IFT74: variants seen among roughly 807,000 people sequenced by gnomAD.
The protein encoded by IFT74 is intraflagellar transport protein 74 homolog.
IFT74 carries 92 observed loss-of-function variants against 96.7 expected under a neutral mutation model. The ratio of observed to expected loss-of-function variants is 0.95; its 90% CI spans 0.80 to 1.13. The LOEUF is 1.13. IFT74 is among the 50% of genes most tolerant of loss of function. The pLI, the probability that IFT74 is intolerant of heterozygous loss-of-function variation, is 0.00. For missense variants in IFT74, 811 were observed against 698.2 expected, an observed-to-expected ratio of 1.16 and a Z score of -1.82; for synonymous variants, 223 against 213.2, an observed-to-expected ratio of 1.05 and a Z score of -0.40.
chr9:26,965,570 T>C (rs1262203171), intron 2 of IFT74, among the ~76,000 whole-genome samples: 2 of 152,152 alleles, frequency 1.3e-5, no homozygotes, highest in Admixed American at 1.3e-4. Flanking sequence ...ATTAAATATT[T>C]ATAAAAAGAA....
chr9:26,964,139 T>C, intron 2 of IFT74, among the ~76,000 whole-genome samples: 1 of 130,596 alleles, frequency 7.7e-6, no homozygotes, highest in African/African-American at 3.0e-5. Flanking sequence ...TTGATTTTTG[T>C]ATAAGGTGTA....
At chr9:27,002,185 G>A (rs1174821374) in intron 8 of IFT74, among the ~76,000 whole-genome samples, 1 of 152,142 alleles carries the variant, frequency 6.6e-6, no homozygotes, top group East Asian at 1.9e-4. Flanking sequence ...AGGCTGGAGT[G>A]CAGTGATGCC....
intron 18 of IFT74, among the ~76,000 whole-genome samples, chr9:27,058,777 T>A (rs530201714): frequency 2.6e-5 from 4 of 152,340 alleles, no homozygotes; most frequent in East Asian, 3.9e-4. Context: ...TTGAAAAGGG[T>A]AGAATCTCAT....
intron 13 of IFT74, among the ~76,000 whole-genome samples, chr9:27,038,630 A>G (rs1819319796): frequency 6.6e-6 from 1 of 152,198 alleles, no homozygotes; most frequent in Non-Finnish European, 1.5e-5. Flanking sequence ...CTTCTCTGAC[A>G]TGATCAAGGG....
At chr9:27,035,596 C>G (rs1819135672) in intron 13 of IFT74, among the ~76,000 whole-genome samples, 1 of 152,196 alleles carries the variant, frequency 6.6e-6, no homozygotes, top group Admixed American at 6.5e-5. Context: ...GATTCTGATT[C>G]ATGTTAAAGT....
At chr9:26,964,704 G>A (rs1646105934) in intron 2 of IFT74, among the ~76,000 whole-genome samples, 1 of 152,048 alleles carries the variant, frequency 6.6e-6, no homozygotes, top group South Asian at 2.1e-4. Flanking sequence ...CATTTCTTTT[G>A]ATGCTAGGGG....
intron 16 of IFT74, among the ~76,000 whole-genome samples, chr9:27,052,851 A>G (rs905136221): frequency 1.1e-4 from 16 of 151,720 alleles, no homozygotes; most frequent in Non-Finnish European, 2.2e-4. Flanking sequence ...GATTTAGTGT[A>G]CTCCATGTTG....
At chr9:26,948,937 A>C (rs1024441607) in intron 1 of IFT74, among the ~76,000 whole-genome samples, 1 of 151,148 alleles carries the variant, frequency 6.6e-6, no homozygotes, top group Non-Finnish European at 1.5e-5. Flanking sequence ...CTCTTTGTAC[A>C]TGCATTTTTT....
At chr9:26,965,865 T>C (rs972393914) in intron 2 of IFT74, among the ~76,000 whole-genome samples, 2 of 152,132 alleles carry the variant, frequency 1.3e-5, no homozygotes, top group Non-Finnish European at 2.9e-5. Flanking sequence ...CTCCCACTTA[T>C]AAGTGAGAAC....
At chr9:27,047,842 GC>G (rs777184138) in intron 15 of IFT74, among the ~76,000 whole-genome samples, 1 of 152,012 alleles carries the variant, frequency 6.6e-6, no homozygotes, top group Admixed American at 6.5e-5. Flanking sequence ...TGAAATGCAT[GC>G]CCCCCTTTCA....
intron 19 of IFT74, among the ~76,000 whole-genome samples, chr9:27,062,252 T>G (rs1450047672): frequency 6.6e-6 from 1 of 152,146 alleles, no homozygotes; most frequent in Admixed American, 6.6e-5. Flanking sequence ...GTCTAGAAAT[T>G]TGCCTTAAAT....
chr9:26,956,954 G>A (rs1301693766), intron 1 of IFT74, among the ~76,000 whole-genome samples: 1 of 152,230 alleles, frequency 6.6e-6, no homozygotes, highest in Non-Finnish European at 1.5e-5. Flanking sequence ...TGTTTTAAAT[G>A]TAATACTTAT....
chr9:26,971,384 A>T (rs1051234494), intron 2 of IFT74, among the ~76,000 whole-genome samples: 1 of 152,192 alleles, frequency 6.6e-6, no homozygotes, highest in Non-Finnish European at 1.5e-5. Flanking sequence ...TGAAAACCAC[A>T]TCGCACATAG....
intron 13 of IFT74, among the ~76,000 whole-genome samples, chr9:27,034,982 AC>A (rs1308388741): frequency 1.3e-5 from 2 of 152,222 alleles, no homozygotes; most frequent in African/African-American, 2.4e-5. Flanking sequence ...TACAGTACCT[AC>A]CTCTTAGGGT....
chr9:27,015,306 G>C (rs745328986), intron 10 of IFT74, among the ~76,000 whole-genome samples: 20 of 151,878 alleles, frequency 1.3e-4, no homozygotes, highest in African/African-American at 4.8e-4. Context: ...TCGTCTACTC[G>C]TTCCTTTTTT....
chr9:26,980,370 G>A lies in IFT74; in HGVS notation c.257-201G>A, dbSNP rs115438624. ...CAGCCCCACCTCTAGTCCCATCTTCGTAGTTTTAATTGAAGCTTCCCTTAT... is the reference window on the plus strand; with the variant it reads ...CAGCCCCACCTCTAGTCCCATCTTCATAGTTTTAATTGAAGCTTCCCTTAT... On this transcript the variant is annotated intron_variant, in intron 3 of 19. Transcript: ENST00000380062. 2.1e-3 allele frequency among the ~76,000 whole-genome samples: 312 copies of A among 152,134 alleles called. 1 individual carries two copies. Among genetic ancestry groups the A allele is most frequent in the Middle Eastern group, 6.8e-3 (2 of 294 alleles).
chr9:27,028,758 G>GAAA, intron 12 of IFT74: 4 of 179,608 alleles, frequency 2.2e-5, no homozygotes, highest in African/African-American at 2.8e-5. Context: ...CCGTCTCAAA[G>GAAA]AAAAAAAAAA....
chr9:26,999,570 G>T (rs1828362385), intron 8 of IFT74: 1 of 1,391,186 alleles, frequency 7.2e-7, no homozygotes, highest in Non-Finnish European at 1.0e-6. Context: ...TACAGAAAAT[G>T]TACCTTTGAA....
intron 2 of IFT74, chr9:26,976,483 A>G: frequency 3.5e-6 from 1 of 282,760 alleles, no homozygotes; most frequent in Admixed American, 4.5e-5. Flanking sequence ...GGACTGCACA[A>G]TCTAAACTAG....
Sources: gnomAD v4.1 joint callset for allele counts (sites outside exome capture counted in the v4.1 genomes callset) on GRCh38, gnomAD v4.1.1 for gene constraint, MANE v1.5 for transcripts, NCBI Gene and HGNC (gene_info 2026-07-23, HGNC 2026-07-21) for gene names.